The following KIAA1671 variants were observed in gnomAD, a reference collection of about 807,000 sequenced individuals.
The protein encoded by KIAA1671 is KIAA1671, also known as uncharacterized protein KIAA1671.
Under a neutral mutation model 131.2 loss-of-function variants are expected in KIAA1671, and 52 were observed. That is an observed-to-expected ratio of 0.40 (90% CI 0.32 to 0.50). The LOEUF is 0.50. Among genes scored for constraint, KIAA1671 ranks in the 20% least tolerant of loss-of-function variants. KIAA1671 has a pLI of 0.73. For synonymous variants in KIAA1671, 1,003 were observed against 961.6 expected (o/e 1.04, Z -0.80); for missense variants, 2,360 against 2,364.2 (o/e 1.00, Z 0.04).
At chr22:25,006,828 C>G (rs1924774719) in intron 1 of KIAA1671, among the ~76,000 whole-genome samples, 2 of 152,148 alleles carry the variant, frequency 1.3e-5, no homozygotes, top group African/African-American at 4.8e-5. Context: ...ACTTTCCTGC[C>G]TTTCTCTTAT....
intron 7 of KIAA1671, among the ~76,000 whole-genome samples, chr22:25,172,728 A>G (rs980359849): frequency 6.6e-6 from 1 of 152,156 alleles, no homozygotes; most frequent in Non-Finnish European, 1.5e-5. Flanking sequence ...TAAATTTTCT[A>G]TCTTACATTA....
intron 12 of KIAA1671, 73 bp downstream of exon 12, chr22:25,190,857 C>T (rs113813545): frequency 2.1e-5 from 22 of 1,023,752 alleles, no homozygotes; most frequent in African/African-American, 7.9e-5. Context: ...AGGGGGGCCA[C>T]GCTTCAGAGA....
intron 12 of KIAA1671, among the ~76,000 whole-genome samples, chr22:25,191,384 G>T (rs572758408): frequency 1.3e-5 from 2 of 152,194 alleles, no homozygotes; most frequent in South Asian, 4.2e-4. Flanking sequence ...TCGAACTCCT[G>T]ACCTCAGGTG....
intron 6 of KIAA1671, among the ~76,000 whole-genome samples, chr22:25,150,885 T>C (rs1370676125): frequency 7.1e-6 from 1 of 141,360 alleles, no homozygotes; most frequent in Admixed American, 7.3e-5. Flanking sequence ...CAGGCTGGAG[T>C]GCCGTGGCGC....
chr22:25,050,938 G>A (rs1389192709), intron 6 of KIAA1671: 1 of 151,852 alleles, frequency 6.6e-6, no homozygotes, highest in Non-Finnish European at 1.5e-5. Context: ...AAAGGTGATG[G>A]GAGAGAAGCA....
At chr22:25,043,227 C>G (rs1273197086) in intron 5 of KIAA1671, among the ~76,000 whole-genome samples, 1 of 152,084 alleles carries the variant, frequency 6.6e-6, no homozygotes, top group Non-Finnish European at 1.5e-5. Flanking sequence ...TTGTTTTTAA[C>G]ACACACACAC....
At chr22:25,178,904 T>C (rs1262815622) in intron 9 of KIAA1671, among the ~76,000 whole-genome samples, 2 of 152,170 alleles carry the variant, frequency 1.3e-5, no homozygotes. Flanking sequence ...GCAGGTACTG[T>C]AGCCTCGCCT....
At chr22:25,183,036 C>G (rs1194006503) in intron 10 of KIAA1671, among the ~76,000 whole-genome samples, 1 of 152,074 alleles carries the variant, frequency 6.6e-6, no homozygotes. Flanking sequence ...AACCAAATGG[C>G]ACTTAATTTG....
At chr22:25,018,855 G>A (rs1177280238) in intron 1 of KIAA1671, among the ~76,000 whole-genome samples, 2 of 152,244 alleles carry the variant, frequency 1.3e-5, no homozygotes, top group East Asian at 3.9e-4. Context: ...GAATAATACT[G>A]CTTCAAACAT....
intron 9 of KIAA1671, among the ~76,000 whole-genome samples, chr22:25,178,672 G>A (rs1934132479): frequency 6.6e-6 from 1 of 152,168 alleles, no homozygotes; most frequent in Admixed American, 6.5e-5. Flanking sequence ...GCAGACTCAG[G>A]GCAGGTCCCC....
chr22:25,033,548 G>GTTGT (rs1926403161), intron 4 of KIAA1671, among the ~76,000 whole-genome samples: 2 of 113,714 alleles, frequency 1.8e-5, no homozygotes, highest in Non-Finnish European at 3.7e-5. Context: ...CAGAGTCTTA[G>GTTGT]TTGTTTTTTT....
At chr22:25,037,909 G>A (rs941903059) in intron 4 of KIAA1671, among the ~76,000 whole-genome samples, 6 of 151,756 alleles carry the variant, frequency 4.0e-5, no homozygotes, top group Admixed American at 6.6e-5. Flanking sequence ...GCACGACCTC[G>A]GCTCACTGCA....
At chr22:25,096,695 C>T (rs1036712033) in intron 6 of KIAA1671, among the ~76,000 whole-genome samples, 1 of 152,144 alleles carries the variant, frequency 6.6e-6, no homozygotes. Context: ...TGTGTATTCC[C>T]GTGGAACCGT....
intron 2 of KIAA1671, among the ~76,000 whole-genome samples, chr22:25,026,290 A>G (rs1048974333): frequency 1.3e-5 from 2 of 151,916 alleles, no homozygotes; most frequent in Non-Finnish European, 2.9e-5. Context: ...AATACCTTCT[A>G]CTTTTTTAGT....
intron 6 of KIAA1671, among the ~76,000 whole-genome samples, chr22:25,120,413 A>G (rs955422001): frequency 1.3e-5 from 2 of 152,322 alleles, no homozygotes; most frequent in South Asian, 2.1e-4. Context: ...TGTCACCCAG[A>G]GAACAATGGT....
At chr22:25,031,166 A>G (rs1926265811) in intron 3 of KIAA1671, among the ~76,000 whole-genome samples, 1 of 149,936 alleles carries the variant, frequency 6.7e-6, no homozygotes, top group Non-Finnish European at 1.5e-5. Context: ...AGCTGGGATT[A>G]CAGGCACGCG....
chr22:25,161,341 G>A (rs1049707413), intron 6 of KIAA1671, among the ~76,000 whole-genome samples: 7 of 152,258 alleles, frequency 4.6e-5, no homozygotes, highest in Admixed American at 1.3e-4. Flanking sequence ...TGCCCACGTA[G>A]ACCACTGGGG....
intron 6 of KIAA1671, among the ~76,000 whole-genome samples, chr22:25,126,153 A>G (rs921407329): frequency 5.3e-5 from 8 of 152,172 alleles, no homozygotes; most frequent in Non-Finnish European, 8.8e-5. Context: ...TTCACGGTCT[A>G]TTAATTCCCA....
intron 6 of KIAA1671, among the ~76,000 whole-genome samples, chr22:25,155,542 G>A (rs1218749736): frequency 6.7e-6 from 1 of 148,996 alleles, no homozygotes; most frequent in Non-Finnish European, 1.5e-5. Flanking sequence ...TATTTTTTGT[G>A]TATGTGTGTG....
Sources: allele counts gnomAD v4.1 joint callset (sites outside exome capture counted in the v4.1 genomes callset), GRCh38; gene constraint gnomAD v4.1.1; transcripts MANE v1.5; gene names NCBI Gene and HGNC (gene_info 2026-07-23, HGNC 2026-07-21).